QTMAN: variants seen among roughly 807,000 people sequenced by gnomAD.
The protein encoded by QTMAN is tRNA-queuosine alpha-mannosyltransferase.
At chr2:143,946,802 G>C in the QTMAN span, 1 of 477,964 alleles carries the variant, frequency 2.1e-6, no homozygotes, top group Non-Finnish European at 3.7e-6. Context: ...ATGTGATGCC[G>C]AGGACATGTG....
At chr2:144,098,580 C>T in the QTMAN span, among the ~76,000 whole-genome samples, 3 of 151,556 alleles carry the variant, frequency 2.0e-5, no homozygotes, top group African/African-American at 4.9e-5. Context: ...CCAGATGTGG[C>T]GGCATGCACC....
the QTMAN span, among the ~76,000 whole-genome samples, chr2:143,949,663 A>G: frequency 3.7e-4 from 56 of 152,014 alleles, no homozygotes; most frequent in African/African-American, 1.3e-3. Context: ...CATTCTTTTC[A>G]CAGTACTCAC....
the QTMAN span, among the ~76,000 whole-genome samples, chr2:143,955,246 T>G: frequency 1.3e-5 from 2 of 152,158 alleles, no homozygotes; most frequent in Admixed American, 1.3e-4. Flanking sequence ...CAATTATAAG[T>G]GACACCGGAG....
At chr2:144,034,403 C>T in the QTMAN span, among the ~76,000 whole-genome samples, 1 of 152,178 alleles carries the variant, frequency 6.6e-6, no homozygotes, top group Non-Finnish European at 1.5e-5. Context: ...AGGGATGATT[C>T]TATCCTATTC....
chr2:144,030,179 A>G, the QTMAN span, among the ~76,000 whole-genome samples: 1 of 152,150 alleles, frequency 6.6e-6, no homozygotes, highest in South Asian at 2.1e-4. Flanking sequence ...TATTAATCTT[A>G]CCACCTTACT....
the QTMAN span, among the ~76,000 whole-genome samples, chr2:144,289,937 C>T: frequency 5.3e-5 from 8 of 152,134 alleles, no homozygotes; most frequent in East Asian, 1.9e-4. Flanking sequence ...TTTCTCCATA[C>T]GTAGTGAACT....
At chr2:144,290,056 G>T in the QTMAN span, among the ~76,000 whole-genome samples, 1 of 151,730 alleles carries the variant, frequency 6.6e-6, no homozygotes, top group Non-Finnish European at 1.5e-5. Flanking sequence ...AATAAGGCAC[G>T]CCAAGCTGTA....
At chr2:144,206,404 G>A in the QTMAN span, among the ~76,000 whole-genome samples, 1 of 152,088 alleles carries the variant, frequency 6.6e-6, no homozygotes, top group Non-Finnish European at 1.5e-5. Flanking sequence ...TTGAATGCAC[G>A]CATTTGTAAA....
the QTMAN span, among the ~76,000 whole-genome samples, chr2:144,139,734 C>T: frequency 6.6e-6 from 1 of 152,056 alleles, no homozygotes; most frequent in Non-Finnish European, 1.5e-5. Flanking sequence ...AGCGAAACTG[C>T]TGAGGTGACA....
the QTMAN span, among the ~76,000 whole-genome samples, chr2:144,040,235 G>T: frequency 6.6e-6 from 1 of 152,072 alleles, no homozygotes; most frequent in African/African-American, 2.4e-5. Context: ...GAATATGAGC[G>T]TGAGAGCAGA....
the QTMAN span, among the ~76,000 whole-genome samples, chr2:144,202,848 AAAATAAGCTAG>A: frequency 5.9e-5 from 9 of 152,198 alleles, no homozygotes; most frequent in Non-Finnish European, 1.0e-4. Flanking sequence ...TTTATTTTTT[AAAATAAGCTAG>A]AAAGGATATT....
At chr2:144,165,966 T>C in the QTMAN span, among the ~76,000 whole-genome samples, 1 of 151,992 alleles carries the variant, frequency 6.6e-6, no homozygotes, top group Non-Finnish European at 1.5e-5. Context: ...TCCCAACAAG[T>C]TTATCCCACA....
At chr2:144,085,162 A>G in the QTMAN span, among the ~76,000 whole-genome samples, 1 of 152,244 alleles carries the variant, frequency 6.6e-6, no homozygotes, top group African/African-American at 2.4e-5. Flanking sequence ...GTAACTACTC[A>G]ACTCTTTCTT....
chr2:144,165,071 A>C, the QTMAN span, among the ~76,000 whole-genome samples: 1 of 152,158 alleles, frequency 6.6e-6, no homozygotes, highest in African/African-American at 2.4e-5. Context: ...GTTCAAAATT[A>C]AGCAAGTTAG....
At chr2:143,958,273 C>G in the QTMAN span, among the ~76,000 whole-genome samples, 1 of 151,824 alleles carries the variant, frequency 6.6e-6, no homozygotes, top group Non-Finnish European at 1.5e-5. Context: ...TTTTTCATAT[C>G]CTGAAAATGA....
chr2:144,109,739 C>A, the QTMAN span, among the ~76,000 whole-genome samples: 1 of 151,578 alleles, frequency 6.6e-6, no homozygotes, highest in Admixed American at 6.6e-5. Flanking sequence ...AGGATATGAA[C>A]AGACACTTCT....
At chr2:144,293,422 C>G in the QTMAN span, among the ~76,000 whole-genome samples, 112 of 152,318 alleles carry the variant, frequency 7.4e-4, 1 homozygote, top group Admixed American at 2.5e-3. Context: ...TGCTTATACT[C>G]TCATGTAGCT....
the QTMAN span, among the ~76,000 whole-genome samples, chr2:143,992,029 G>T: frequency 6.6e-6 from 1 of 152,222 alleles, no homozygotes; most frequent in African/African-American, 2.4e-5. Flanking sequence ...CCGTCTGGAA[G>T]GTGTGCCCAA....
the QTMAN span, among the ~76,000 whole-genome samples, chr2:144,088,948 A>C: frequency 3.9e-5 from 6 of 151,988 alleles, no homozygotes; most frequent in Admixed American, 3.3e-4. Flanking sequence ...AGCACAAGCA[A>C]TTAAAACAAA....
Sources: gnomAD v4.1 joint callset for allele counts (sites outside exome capture counted in the v4.1 genomes callset) on GRCh38, gnomAD v4.1.1 for gene constraint, MANE v1.5 for transcripts, NCBI Gene and HGNC (gene_info 2026-07-23, HGNC 2026-07-21) for gene names.